MAP7D3: variants seen among roughly 807,000 people sequenced by gnomAD.
MAP7D3 encodes MAP7 domain-containing protein 3.
MAP7D3 carries 45 observed loss-of-function variants against 62.2 expected under a neutral mutation model. The observed-to-expected ratio is 0.72, with a 90% CI of 0.57 to 0.93. The LOEUF (loss-of-function observed/expected upper bound fraction) is 0.93. MAP7D3 is among the 40% of genes least tolerant of loss of function. The probability of loss-of-function intolerance (pLI) is 0.00; values close to 1 mark genes in which losing one functional copy is unlikely to be tolerated. For synonymous variants in MAP7D3, 288 were observed against 248.8 expected (o/e 1.16, Z -1.48); for missense variants, 711 against 683.1 (o/e 1.04, Z -0.45).
chrX:136,256,079 TAAC>T (rs779134614), upstream of MAP7D3: 115 of 750,329 alleles, frequency 1.5e-4, 1 homozygote, highest in East Asian at 7.2e-3. Context: ...TCTCCATTCT[TAAC>T]GACCTGTTAG....
intron 6 of MAP7D3, among the ~76,000 whole-genome samples, chrX:136,238,531 C>T (rs2074354998): frequency 9.0e-6 from 1 of 111,484 alleles, no homozygotes; most frequent in Admixed American, 9.5e-5. Flanking sequence ...ATTAATTTTA[C>T]CATATTATAA....
At chrX:136,225,099 T>C (rs1175882554) in intron 13 of MAP7D3, among the ~76,000 whole-genome samples, 2 of 112,295 alleles carry the variant, frequency 1.8e-5, no homozygotes, top group Non-Finnish European at 3.8e-5. Flanking sequence ...CCGCTGTATT[T>C]GTTATAACAC....
chrX:136,238,323 A>G (rs921199960), intron 6 of MAP7D3, among the ~76,000 whole-genome samples: 1 of 112,130 alleles, frequency 8.9e-6, no homozygotes, highest in African/African-American at 3.2e-5. Flanking sequence ...TCTCATTAAT[A>G]AGGCTTTTGC....
At position 136,231,740 on chromosome X, in the gene MAP7D3, A is replaced by G. The variant is rs755936266; in HGVS notation, c.1217T>C (p.Val406Ala). The G allele has an allele frequency of 8.3e-7, 1 of 1,210,815 alleles. No homozygotes were observed. Among genetic ancestry groups the G allele is most frequent in the Admixed American group, 2.2e-5 (1 of 45,984 alleles). ...CAGGCTCCCCTCTGGGGCTGCTTCC[A>G]CGCTCACCTCTGGCAGTGCTTCCAG... is the stretch of plus-strand genomic sequence containing the variant. Reference protein sequence around the residue: ...VSLEALPEVSVEAAPEGSLEA... With the variant: ...VSLEALPEVSAEAAPEGSLEA... Residue 406 changes from valine (V) to alanine (A), a missense_variant, in exon 8 of 19, where the codon GTG becomes GCG. Transcript: ENST00000316077.
chrX:136,251,768 A>T (rs2074516830), upstream of MAP7D3, among the ~76,000 whole-genome samples: 1 of 111,096 alleles, frequency 9.0e-6, no homozygotes, highest in Non-Finnish European at 1.9e-5. Flanking sequence ...CGCTTGTATC[A>T]TGAGTTTACT....
At chrX:136,216,554 C>T (rs762252151), downstream of MAP7D3, among the ~76,000 whole-genome samples, 3 of 109,085 alleles carry the variant, frequency 2.8e-5, no homozygotes, top group Non-Finnish European at 5.7e-5. Flanking sequence ...GAGCTATGAT[C>T]GTGCCACTGT....
chrX:136,244,528 C>G, intron 4 of MAP7D3, 104 bp downstream of exon 4: 1 of 685,269 alleles, frequency 1.5e-6, no homozygotes, highest in South Asian at 3.2e-5. Flanking sequence ...GGGATTGGTT[C>G]CCTTTCTACA....
chrX:136,250,629 CCAACTTTTAAAG>C (rs1267740679), intron 1 of MAP7D3, among the ~76,000 whole-genome samples: 3 of 111,815 alleles, frequency 2.7e-5, no homozygotes, highest in Non-Finnish European at 3.8e-5. Context: ...AAGTTTCATC[CCAACTTTTAAAG>C]CAACTTTTAA....
intron 1 of MAP7D3, among the ~76,000 whole-genome samples, chrX:136,248,204 C>T (rs1197744264): frequency 8.9e-6 from 1 of 111,949 alleles, no homozygotes; most frequent in East Asian, 2.8e-4. Context: ...TATACTTTTA[C>T]CAGGCTAATT....
At chrX:136,230,777 A>G (rs1052229134) in intron 9 of MAP7D3, 62 bp downstream of exon 9, 1 of 1,119,753 alleles carries the variant, frequency 8.9e-7, no homozygotes, top group African/African-American at 1.8e-5. Flanking sequence ...CTCATCAAAC[A>G]TTGACATGGA....
At chrX:136,224,802 C>T (rs745832253) in intron 14 of MAP7D3, 25 bp downstream of exon 14, 1 of 1,106,074 alleles carries the variant, frequency 9.0e-7, no homozygotes, top group South Asian at 1.9e-5. Flanking sequence ...TTCTTATACA[C>T]TGCTGGTAGG....
chrX:136,229,461 G>C (rs1348217440), intron 10 of MAP7D3, among the ~76,000 whole-genome samples: 2 of 111,695 alleles, frequency 1.8e-5, no homozygotes, highest in Non-Finnish European at 3.8e-5. Context: ...TCCCCAGTGT[G>C]TTTTTGAAAT....
At position 136,231,648 on chromosome X, in the gene MAP7D3, T is replaced by TTG. The variant is rs750219583; in HGVS notation, c.1308_1309insCA (p.Ser437GlnfsTer11). The TTG allele has an allele frequency of 9.1e-6, 11 of 1,210,520 alleles. No homozygotes were observed. Among genetic ancestry groups the TTG allele is most frequent in the Non-Finnish European group, 1.2e-5 (11 of 895,054 alleles). On this transcript the variant is annotated frameshift_variant, in exon 8 of 19. Transcript: ENST00000316077. LOFTEE classifies it high-confidence loss of function. ...ATCGCCTCAGGAGATGCCTCCATGC[T>TTG]CTCCTTGGGTGACCCTTTCACACTC...
At chrX:136,215,292 T>A (rs1365178199), downstream of MAP7D3, among the ~76,000 whole-genome samples, 1 of 111,943 alleles carries the variant, frequency 8.9e-6, no homozygotes, top group Non-Finnish European at 1.9e-5. Context: ...CATCTGTATT[T>A]ACTGTGGCTC....
At chrX:136,219,344 C>T in intron 18 of MAP7D3, 54 bp downstream of exon 18, 1 of 700,436 alleles carries the variant, frequency 1.4e-6, no homozygotes, top group Non-Finnish European at 2.2e-6. Flanking sequence ...AGGAGGGGAG[C>T]GGGTTCAGGG....
downstream of MAP7D3, chrX:136,216,741 C>G (rs2074067580): frequency 8.9e-6 from 1 of 112,181 alleles, no homozygotes; most frequent in Non-Finnish European, 1.9e-5. Flanking sequence ...GTTCATAGCT[C>G]AGCCAACAAT....
At chrX:136,253,678 G>A (rs901631553), upstream of MAP7D3, among the ~76,000 whole-genome samples, 7 of 112,014 alleles carry the variant, frequency 6.2e-5, no homozygotes, top group African/African-American at 2.3e-4. Context: ...GAATGATGTT[G>A]TAGTCACCTA....
rs201515852 is a variant in MAP7D3 at position 136,232,166 on chromosome X, C to G, written c.791G>C (p.Cys264Ser). ...AACAGCCCTCAATTCGTCGCTAGTA[C>G]ATTTACGCAAGGGTACAGTGACATA... is the stretch of plus-strand genomic sequence containing the variant. ...MQYVTVPLRK[C>S]TSDELRAVMF... Residue 264 changes from cysteine (C) to serine (S), a missense_variant, in exon 8 of 19, where the codon TGT becomes TCT. By Grantham distance (112) the Cys-to-Ser change is moderately radical (BLOSUM62 -1). Coordinates refer to ENST00000316077, the MANE Select transcript of MAP7D3 (RefSeq NM_024597.4). 1.1e-4 allele frequency: 136 copies of G among 1,207,076 alleles called. No individual in the cohort carries two copies. In the African/African-American group the frequency reaches 2.1e-3, roughly 19 times the overall value.
chrX:136,227,130 A>C (rs906329782), intron 12 of MAP7D3, among the ~76,000 whole-genome samples, 154 bp downstream of exon 12: 17 of 111,152 alleles, frequency 1.5e-4, no homozygotes, highest in Non-Finnish European at 2.6e-4. Context: ...ACTCCATCTC[A>C]AAATTAATAA....
Sources: allele counts gnomAD v4.1 joint callset (sites outside exome capture counted in the v4.1 genomes callset), GRCh38; gene constraint gnomAD v4.1.1; transcripts MANE v1.5; gene names NCBI Gene and HGNC (gene_info 2026-07-23, HGNC 2026-07-21).